HP1BP3: variants seen among roughly 807,000 people sequenced by gnomAD.
The protein encoded by HP1BP3 is heterochromatin protein 1 binding protein 3, also known as heterochromatin protein 1-binding protein 3.
A neutral mutation model predicts 62.5 loss-of-function variants in HP1BP3; 12 were observed. The ratio of observed to expected loss-of-function variants is 0.19; its 90% CI spans 0.12 to 0.31. The LOEUF is 0.31. Among genes scored for constraint, HP1BP3 ranks in the 10% least tolerant of loss-of-function variants. The pLI is 1.00. For missense variants in HP1BP3, 502 were observed against 651.8 expected (o/e 0.77, Z 2.50); for synonymous variants, 260 against 237.8 (o/e 1.09, Z -0.86).
In HP1BP3 at chr1:20,773,599, T is replaced by C. The variant is rs771477849; in HGVS notation, c.362A>G (p.Gln121Arg). 1.2e-6 allele frequency: 2 copies of C among 1,600,126 alleles called. No individual in the cohort carries two copies. Among genetic ancestry groups the C allele is most frequent in the Middle Eastern group, 1.7e-4 (1 of 5,976 alleles). ...CACTTTCTTCTCCTTTTCTTTAGAC[T>C]GATCTTTCTCACTTTAAAACAAAGA... ...SEETKKDEKD[Q>R]SKEKEKKVKK... The change falls in exon 5 of 13, where the codon CAG (glutamine) becomes CGG (arginine). Residue 121 changes from glutamine to arginine, a missense_variant. Gln to Arg is a conservative substitution (Grantham distance 43, BLOSUM62 1). Coordinates refer to ENST00000438032, the MANE Select transcript of HP1BP3 (RefSeq NM_001372052.1).
chr1:20,747,477 T>C, intron 11 of HP1BP3, 67 bp downstream of exon 11: 1 of 997,010 alleles, frequency 1.0e-6, no homozygotes, highest in Admixed American at 2.4e-5. Flanking sequence ...AAGGGTAAAA[T>C]AAATTAAACT....
chr1:20,779,418 CTCTGAAGGCCTCCAGATGATTT>C (rs1403525745), intron 3 of HP1BP3, among the ~76,000 whole-genome samples: 3 of 152,254 alleles, frequency 2.0e-5, no homozygotes, highest in Admixed American at 1.3e-4. Flanking sequence ...CCATTTGCTT[CTCTGAAGGCCTCCAGATGATTT>C]CTGGATGAAC....
At chr1:20,761,606 C>T (rs1229227953) in intron 8 of HP1BP3, among the ~76,000 whole-genome samples, 4 of 151,996 alleles carry the variant, frequency 2.6e-5, no homozygotes, top group South Asian at 2.1e-4. Flanking sequence ...TCCGTATACA[C>T]GAATCTGAAG....
intron 9 of HP1BP3, among the ~76,000 whole-genome samples, chr1:20,750,816 C>CTTTTT (rs767621434): frequency 2.6e-5 from 3 of 116,530 alleles, no homozygotes; most frequent in African/African-American, 6.5e-5. Context: ...TATTTTCTCT[C>CTTTTT]TTTTTTTTTT....
chr1:20,746,472 A>G (rs2055343087), intron 11 of HP1BP3, among the ~76,000 whole-genome samples: 1 of 152,180 alleles, frequency 6.6e-6, no homozygotes, highest in Non-Finnish European at 1.5e-5. Context: ...TACAGAAATA[A>G]TAATATAAGA....
chr1:20,752,649 T>C (rs2055843950), intron 9 of HP1BP3, among the ~76,000 whole-genome samples: 1 of 152,184 alleles, frequency 6.6e-6, no homozygotes. Flanking sequence ...AAAACTGCTG[T>C]CAGCTTACCA....
intron 2 of HP1BP3, among the ~76,000 whole-genome samples, 191 bp from the exon 3 acceptor site, chr1:20,780,102 T>C (rs1423730826): frequency 6.6e-6 from 1 of 152,250 alleles, no homozygotes; most frequent in Non-Finnish European, 1.5e-5. Flanking sequence ...TAAAGTATGT[T>C]ATTTTAGCTT....
At chr1:20,758,417 G>A (rs538853421) in intron 8 of HP1BP3, among the ~76,000 whole-genome samples, 24 of 151,098 alleles carry the variant, frequency 1.6e-4, no homozygotes, top group African/African-American at 5.3e-4. Context: ...GCGATCTCAG[G>A]TCACTGCAAC....
chr1:20,744,654 G>T lies in HP1BP3; in HGVS notation c.*143C>A. 1.3e-6 allele frequency: 1 copy of T among 748,452 alleles called. No homozygotes were observed. The highest frequency in any genetic ancestry group is 2.1e-6 in the Non-Finnish European group (1 of 470,712). The allele number at this position is 748,452 out of a possible 1,614,324, so 46.4% of individuals were successfully genotyped here. A position where few individuals can be genotyped will look rare whatever the true frequency, so the allele number is the denominator to read the frequency against. ...CCTAAAGCTAGCAAATGCCTAAACT[G>T]GTTTATTTAGAGTCCCTCCCCACAA... On this transcript the variant is annotated 3_prime_UTR_variant, in exon 13 of 13. Transcript: ENST00000438032.
chr1:20,769,493 G>A (rs1430226212), intron 6 of HP1BP3, among the ~76,000 whole-genome samples: 2 of 152,188 alleles, frequency 1.3e-5, no homozygotes, highest in Non-Finnish European at 2.9e-5. Flanking sequence ...AGCAGGTAGA[G>A]AGTGCGGTGA....
chr1:20,764,415 C>T (rs1181675287), intron 8 of HP1BP3, among the ~76,000 whole-genome samples: 1 of 151,726 alleles, frequency 6.6e-6, no homozygotes, highest in African/African-American at 2.4e-5. Context: ...GCAATCTCGG[C>T]TCACTGCGAA....
intron 9 of HP1BP3, among the ~76,000 whole-genome samples, chr1:20,752,875 T>C (rs2055860787): frequency 6.6e-6 from 1 of 152,190 alleles, no homozygotes. Context: ...GTAGACATGA[T>C]GGTATCCAGG....
At chr1:20,750,709 A>C (rs2055681281) in intron 9 of HP1BP3, among the ~76,000 whole-genome samples, 1 of 151,842 alleles carries the variant, frequency 6.6e-6, no homozygotes, top group Non-Finnish European at 1.5e-5. Context: ...AGACAGCAAG[A>C]CCAACACCTC....
chr1:20,751,778 A>G (rs1222884439), intron 9 of HP1BP3, among the ~76,000 whole-genome samples: 4 of 151,748 alleles, frequency 2.6e-5, no homozygotes, highest in African/African-American at 9.7e-5. Context: ...AGAAAATTAC[A>G]TAGCATACTT....
rs2055048138 is a variant in HP1BP3 at position 20,740,323 on chromosome 1, A to AAT, written c.*4472_*4473dup. On this transcript the variant is annotated 3_prime_UTR_variant, in exon 13 of 13. Transcript: ENST00000438032. ...ACAGTGTTAATTATACATTATATACAATATCAGGAAAAAAAAGAGTTGTAA... is the reference window on the plus strand; with the variant it reads ...ACAGTGTTAATTATACATTATATACAATATATCAGGAAAAAAAAGAGTTGTAA... Among the ~76,000 whole-genome samples, 1 of 151,908 alleles carries AAT rather than the reference A, an allele frequency of 6.6e-6. No individual in the cohort carries two copies. Among genetic ancestry groups the AAT allele is most frequent in the African/African-American group, 2.4e-5 (1 of 41,134 alleles).
Position 20,741,260 on chromosome 1 carries a change from T to C in HP1BP3, c.*3537A>G, listed in dbSNP as rs925544621. Among the ~76,000 whole-genome samples the C allele has an allele frequency of 2.6e-5, 4 of 152,226 alleles. No homozygotes were observed. The highest frequency in any genetic ancestry group is 2.1e-4 in the South Asian group (1 of 4,830). ...AGTTAAATGCAGTATTTAATGAACA[T>C]GGCTGGTGAGTTTCGTTCTCATGAC... On this transcript the variant is annotated 3_prime_UTR_variant, in exon 13 of 13. Transcript: ENST00000438032.
chr1:20,751,352 G>A (rs1361780644), intron 9 of HP1BP3, among the ~76,000 whole-genome samples: 1 of 151,718 alleles, frequency 6.6e-6, no homozygotes, highest in African/African-American at 2.4e-5. Flanking sequence ...TGTTGTTCAA[G>A]GGTCAGCTGT....
At chr1:20,760,964 A>T (rs2056433716) in intron 8 of HP1BP3, among the ~76,000 whole-genome samples, 1 of 152,232 alleles carries the variant, frequency 6.6e-6, no homozygotes, top group South Asian at 2.1e-4. Context: ...TTATTGCTCT[A>T]ATACAGGTGA....
At chr1:20,751,278 G>C (rs1383198952) in intron 9 of HP1BP3, among the ~76,000 whole-genome samples, 2 of 151,780 alleles carry the variant, frequency 1.3e-5, no homozygotes, top group Non-Finnish European at 2.9e-5. Context: ...AGTTTTCTGG[G>C]AATCTAAAGT....
Sources: gnomAD v4.1 joint callset for allele counts (sites outside exome capture counted in the v4.1 genomes callset) on GRCh38, gnomAD v4.1.1 for gene constraint, MANE v1.5 for transcripts, NCBI Gene and HGNC (gene_info 2026-07-23, HGNC 2026-07-21) for gene names.